Variants in TTC28 observed in about 807,000 individuals in gnomAD.
TTC28 encodes tetratricopeptide repeat domain 28, also known as tetratricopeptide repeat protein 28.
A neutral mutation model predicts 198.0 loss-of-function variants in TTC28; 61 were observed. The ratio of observed to expected loss-of-function variants is 0.31; its 90% CI spans 0.25 to 0.38. The LOEUF (loss-of-function observed/expected upper bound fraction) is 0.38, where lower values mean the gene tolerates loss of function less well. Among genes scored for constraint, TTC28 ranks in the 10% least tolerant of loss-of-function variants. The pLI is 1.00. For missense variants in TTC28, 2,678 were observed against 3,164.0 expected (o/e 0.85, Z 3.69); for synonymous variants, 1,171 against 1,297.8 (o/e 0.90, Z 2.10).
intron 5 of TTC28, among the ~76,000 whole-genome samples, chr22:28,279,809 C>T (rs548880952): frequency 6.6e-6 from 1 of 152,352 alleles, no homozygotes; most frequent in East Asian, 1.9e-4. Flanking sequence ...CCAAAGACAA[C>T]CACTGATCTG....
At chr22:28,512,856 A>T (rs1476161103) in intron 2 of TTC28, among the ~76,000 whole-genome samples, 1 of 152,138 alleles carries the variant, frequency 6.6e-6, no homozygotes, top group Admixed American at 6.6e-5. Flanking sequence ...TGCAGCAAAG[A>T]ACCACGGCGC....
intron 2 of TTC28, among the ~76,000 whole-genome samples, chr22:28,487,704 G>T (rs556797325): frequency 1.2e-4 from 18 of 151,928 alleles, no homozygotes; most frequent in African/African-American, 4.3e-4. Context: ...ATTCTATGTT[G>T]CTGCATGAAA....
intron 6 of TTC28, among the ~76,000 whole-genome samples, chr22:28,136,008 T>G (rs1271882934): frequency 6.6e-6 from 1 of 152,218 alleles, no homozygotes; most frequent in Non-Finnish European, 1.5e-5. Context: ...CACAATCAAT[T>G]GCAGAATAAT....
At chr22:28,469,877 C>T (rs2048075930) in intron 2 of TTC28, among the ~76,000 whole-genome samples, 2 of 152,008 alleles carry the variant, frequency 1.3e-5, no homozygotes, top group Non-Finnish European at 2.9e-5. Flanking sequence ...CTCTGCTGCC[C>T]AGGCTGGAGT....
chr22:28,264,665 G>T (rs1213970231), intron 5 of TTC28, among the ~76,000 whole-genome samples: 1 of 152,128 alleles, frequency 6.6e-6, no homozygotes, highest in African/African-American at 2.4e-5. Context: ...GCTTAAATGA[G>T]GTCTGAAGAC....
intron 2 of TTC28, among the ~76,000 whole-genome samples, chr22:28,404,416 CTA>C (rs2046968088): frequency 1.3e-5 from 2 of 152,264 alleles, no homozygotes; most frequent in South Asian, 4.1e-4. Flanking sequence ...CGCGCCCGGC[CTA>C]TATGTGTTAT....
At chr22:28,611,738 T>A (rs2050823584) in intron 2 of TTC28, among the ~76,000 whole-genome samples, 1 of 144,022 alleles carries the variant, frequency 6.9e-6, no homozygotes. Flanking sequence ...AATTCCCACC[T>A]ATGAGTGAGA....
intron 2 of TTC28, among the ~76,000 whole-genome samples, chr22:28,432,278 T>A (rs1315937306): frequency 1.3e-5 from 2 of 151,526 alleles, no homozygotes; most frequent in African/African-American, 2.4e-5. Flanking sequence ...AGAGCGAGAC[T>A]CTGTCTCAAA....
intron 1 of TTC28, among the ~76,000 whole-genome samples, chr22:28,671,534 C>T (rs1401700611): frequency 6.7e-6 from 1 of 149,812 alleles, no homozygotes. Context: ...ACTCAGGACA[C>T]TGAGGCAGGA....
At chr22:27,994,659 G>T (rs1199180069) in intron 17 of TTC28, 1 of 152,292 alleles carries the variant, frequency 6.6e-6, no homozygotes, top group Admixed American at 6.5e-5. Flanking sequence ...AGAAGGTAGG[G>T]GCTGGGGAAC....
At chr22:27,989,440 C>T (rs1177777555) in intron 21 of TTC28, among the ~76,000 whole-genome samples, 2 of 152,132 alleles carry the variant, frequency 1.3e-5, no homozygotes, top group East Asian at 1.9e-4. Context: ...GCACAAATGA[C>T]AGAGATGAAA....
chr22:28,108,182 A>C lies in TTC28; in HGVS notation c.1663T>G (p.Ser555Ala). 6.4e-7 allele frequency: 1 copy of C among 1,551,696 alleles called. No individual in the cohort carries two copies. Among genetic ancestry groups the C allele is most frequent in the Non-Finnish European group, 8.7e-7 (1 of 1,146,966 alleles). ...MEVNDRASQA[S>A]THGNLAVAYQ... Reference sequence around the variant, plus strand: ...GCCACGGCAAGGTTCCCATGTGTGGAGGCCTGTGAGGCGCGGTCATTCACT... The same window carrying C: ...GCCACGGCAAGGTTCCCATGTGTGGCGGCCTGTGAGGCGCGGTCATTCACT... Residue 555 changes from serine to alanine, a missense_variant, in exon 7 of 23, where the codon TCC becomes GCC. Transcript: ENST00000397906.
At chr22:28,358,033 A>G (rs559343414) in intron 2 of TTC28, among the ~76,000 whole-genome samples, 2 of 152,342 alleles carry the variant, frequency 1.3e-5, no homozygotes, top group South Asian at 4.1e-4. Context: ...CACATACTTT[A>G]TATAATTCAG....
intron 2 of TTC28, among the ~76,000 whole-genome samples, chr22:28,329,178 A>G (rs1477407136): frequency 1.3e-5 from 2 of 152,142 alleles, no homozygotes; most frequent in Non-Finnish European, 2.9e-5. Flanking sequence ...AAATATACAT[A>G]TATAATGTAT....
chr22:28,638,576 A>G (rs1168839090), intron 1 of TTC28, among the ~76,000 whole-genome samples: 1 of 152,206 alleles, frequency 6.6e-6, no homozygotes, highest in Non-Finnish European at 1.5e-5. Flanking sequence ...GTATGGATAA[A>G]GCTCCTACAA....
At chr22:28,297,904 C>T (rs2044932419) in intron 3 of TTC28, 52 bp from the exon 4 acceptor site, 8 of 1,515,098 alleles carry the variant, frequency 5.3e-6, no homozygotes, top group Non-Finnish European at 7.1e-6. Flanking sequence ...TAGGATGATA[C>T]AAAAACAATC....
intron 2 of TTC28, among the ~76,000 whole-genome samples, chr22:28,437,398 T>C (rs2047537202): frequency 6.6e-6 from 1 of 152,114 alleles, no homozygotes; most frequent in African/African-American, 2.4e-5. Context: ...TCTTTTAGAA[T>C]ATAAAAATAC....
At chr22:28,390,053 C>T (rs1047780294) in intron 2 of TTC28, among the ~76,000 whole-genome samples, 123 of 150,490 alleles carry the variant, frequency 8.2e-4, no homozygotes, top group Non-Finnish European at 1.6e-3. Flanking sequence ...TCTTTGTTCT[C>T]GTTGGTTTCA....
At chr22:28,103,113 T>C (rs1013456041) in intron 8 of TTC28, among the ~76,000 whole-genome samples, 2 of 152,182 alleles carry the variant, frequency 1.3e-5, no homozygotes, top group African/African-American at 4.8e-5. Context: ...TAGCTGAGGT[T>C]CAACAATGAA....
Sources: allele counts gnomAD v4.1 joint callset (sites outside exome capture counted in the v4.1 genomes callset), GRCh38; gene constraint gnomAD v4.1.1; transcripts MANE v1.5; gene names NCBI Gene and HGNC (gene_info 2026-07-23, HGNC 2026-07-21).